DPY19L3: variants seen among roughly 807,000 people sequenced by gnomAD.
DPY19L3 encodes the protein dpy-19 like C-mannosyltransferase 3.
DPY19L3 carries 51 observed loss-of-function variants against 92.3 expected under a neutral mutation model. That is an observed-to-expected ratio of 0.55 (90% CI 0.44 to 0.70). The LOEUF (loss-of-function observed/expected upper bound fraction) is 0.70, where lower values mean the gene tolerates loss of function less well. DPY19L3 is among the 30% of genes least tolerant of loss of function. The pLI is 0.00. For synonymous variants in DPY19L3, 309 were observed against 315.2 expected (o/e 0.98, Z 0.21); for missense variants, 706 against 855.9 (o/e 0.82, Z 2.18).
chr19:32,434,040 T>C (rs1461737390), intron 4 of DPY19L3, among the ~76,000 whole-genome samples: 6 of 152,206 alleles, frequency 3.9e-5, no homozygotes, highest in Admixed American at 3.9e-4. Flanking sequence ...CAGTACAGTT[T>C]ATACAAGAAA....
intron 8 of DPY19L3, among the ~76,000 whole-genome samples, chr19:32,441,213 A>C (rs922404893): frequency 6.6e-6 from 1 of 152,206 alleles, no homozygotes; most frequent in South Asian, 2.1e-4. Context: ...TAATAAGAAA[A>C]AGCTGGGCGG....
intron 3 of DPY19L3, among the ~76,000 whole-genome samples, chr19:32,420,642 G>A (rs1402998589): frequency 6.6e-6 from 1 of 151,988 alleles, no homozygotes; most frequent in Non-Finnish European, 1.5e-5. Flanking sequence ...TAGAGACGAG[G>A]TTTTGCCATG....
At chr19:32,476,309 T>C (rs1474854137) in intron 16 of DPY19L3, among the ~76,000 whole-genome samples, 1 of 152,088 alleles carries the variant, frequency 6.6e-6, no homozygotes, top group African/African-American at 2.4e-5. Flanking sequence ...ATGTTGAATT[T>C]TAATGATTTT....
chr19:32,453,666 G>A (rs1310281407), intron 9 of DPY19L3, among the ~76,000 whole-genome samples: 1 of 151,916 alleles, frequency 6.6e-6, no homozygotes, highest in African/African-American at 2.4e-5. Flanking sequence ...TCACGTTGGT[G>A]GATACCCTGT....
In DPY19L3 at chr19:32,439,893, A is replaced by T; in HGVS notation, c.838A>T (p.Met280Leu). The T allele has an allele frequency of 6.2e-7, 1 of 1,613,368 alleles. No homozygotes were observed. Among genetic ancestry groups the T allele is most frequent in the Non-Finnish European group, 8.5e-7 (1 of 1,179,694 alleles). Residue 280 changes from methionine to leucine, a missense_variant, in exon 8 of 19, where the codon ATG becomes TTG. Met to Leu is a conservative substitution (Grantham distance 15, BLOSUM62 2). Transcript: ENST00000392250. ...GCTGTTCACACTGGACTCCCTGGAC[A>T]TGCTGCCAGCAGTGAAGGTGAGCTT... ...LVLFTLDSLD[M>L]LPAVKATWLY...
At chr19:32,442,483 A>G (rs927256927) in intron 8 of DPY19L3, among the ~76,000 whole-genome samples, 1 of 152,206 alleles carries the variant, frequency 6.6e-6, no homozygotes, top group African/African-American at 2.4e-5. Context: ...CCCAAAGTAC[A>G]TTGAAAAACC....
intron 15 of DPY19L3, among the ~76,000 whole-genome samples, chr19:32,466,383 C>A (rs982032392): frequency 5.3e-5 from 8 of 152,194 alleles, no homozygotes; most frequent in Non-Finnish European, 8.8e-5. Context: ...GTTTTAAGAA[C>A]CCCCTGCTGT....
At chr19:32,422,629 A>AACACACACACACACACACACACACACAC (rs66481682) in intron 3 of DPY19L3, among the ~76,000 whole-genome samples, 1 of 146,722 alleles carries the variant, frequency 6.8e-6, no homozygotes. Context: ...AATCAGGAAA[A>AACACACACACACACACACACACACACAC]ACACACACAC....
Position 32,444,176 on chromosome 19 carries a change from TA to T in DPY19L3, c.855+4275del, listed in dbSNP as rs148094587. ...TACAAGGAATTTAAGGCAGCCATCA[TA>T]AAAAAAAAGCTTCATTGAGCAATTA... On this transcript the variant is annotated intron_variant, in intron 8 of 18. Coordinates refer to ENST00000392250, the MANE Select transcript of DPY19L3 (RefSeq NM_001172774.2). Among the ~76,000 whole-genome samples, 23 of 150,568 alleles carry T rather than the reference TA, an allele frequency of 1.5e-4. No homozygotes were observed. In the East Asian group the frequency reaches 2.9e-3, roughly 19 times the overall value.
intron 6 of DPY19L3, chr19:32,438,854 A>G (rs1222571955): frequency 3.0e-6 from 1 of 332,618 alleles, no homozygotes; most frequent in Admixed American, 4.4e-5. Flanking sequence ...GTTTAGGAGT[A>G]AGGCTAACCT....
chr19:32,439,522 C>A (rs1336791226), intron 7 of DPY19L3, among the ~76,000 whole-genome samples: 1 of 152,186 alleles, frequency 6.6e-6, no homozygotes, highest in Non-Finnish European at 1.5e-5. Flanking sequence ...TAAGCCCTTG[C>A]TCTTGAGATG....
intron 9 of DPY19L3, among the ~76,000 whole-genome samples, chr19:32,454,568 C>G (rs765873139): frequency 1.6e-4 from 24 of 151,814 alleles, no homozygotes; most frequent in Non-Finnish European, 2.9e-4. Context: ...AGTGAGACTC[C>G]GTCTCAAAAG....
intron 8 of DPY19L3, among the ~76,000 whole-genome samples, chr19:32,451,766 A>G (rs1237905918): frequency 6.6e-5 from 10 of 152,246 alleles, no homozygotes; most frequent in South Asian, 4.2e-4. Context: ...CAACCTATCA[A>G]TAAGTTTCAT....
chr19:32,458,187 G>A lies in DPY19L3; in HGVS notation c.1163+14G>A, dbSNP rs1315070613. On this transcript the variant is annotated intron_variant, in intron 11 of 18. Transcript: ENST00000392250. ...TGGAGCAACAAGGTATAACTGAATT[G>A]AAAGTCTATGTTTGCTATTTTCTAT... 1.9e-6 allele frequency: 3 copies of A among 1,609,630 alleles called. No individual in the cohort carries two copies. In the African/African-American group the frequency reaches 4.0e-5, roughly 22 times the overall value.
chr19:32,446,740 G>A (rs75275104), intron 8 of DPY19L3, among the ~76,000 whole-genome samples: 2,023 of 152,212 alleles, frequency 0.013, 55 homozygotes, highest in African/African-American at 0.046. Flanking sequence ...AGAACTGAAA[G>A]GAGAAATAGA....
At chr19:32,468,054 G>C (rs1970249235) in intron 15 of DPY19L3, 1 of 985,038 alleles carries the variant, frequency 1.0e-6, no homozygotes, top group African/African-American at 1.7e-5. Context: ...CAGATTTCTA[G>C]TACAAAAATA....
chr19:32,465,545 G>A (rs752647338), intron 15 of DPY19L3, among the ~76,000 whole-genome samples: 1 of 151,994 alleles, frequency 6.6e-6, no homozygotes, highest in Non-Finnish European at 1.5e-5. Context: ...TAAAACGACG[G>A]ATTTCAAACT....
At chr19:32,469,420 C>T (rs1477440174) in intron 16 of DPY19L3, among the ~76,000 whole-genome samples, 1 of 150,798 alleles carries the variant, frequency 6.6e-6, no homozygotes, top group Admixed American at 6.6e-5. Context: ...CACTTGAACT[C>T]GGGAGGTAGA....
intron 3 of DPY19L3, among the ~76,000 whole-genome samples, chr19:32,426,989 T>TCG (rs907750945): frequency 5.9e-5 from 9 of 152,118 alleles, no homozygotes; most frequent in Non-Finnish European, 1.3e-4. Flanking sequence ...CTTTGGTGTT[T>TCG]CGTTGTTTGT....
Sources: allele counts gnomAD v4.1 joint callset (sites outside exome capture counted in the v4.1 genomes callset), GRCh38; gene constraint gnomAD v4.1.1; transcripts MANE v1.5; gene names NCBI Gene and HGNC (gene_info 2026-07-23, HGNC 2026-07-21).